Variants in ZDHHC3 observed in about 807,000 individuals in gnomAD.
ZDHHC3 encodes zDHHC palmitoyltransferase 3, also known as palmitoyltransferase ZDHHC3.
In ZDHHC3, 9 loss-of-function variants were observed where a neutral mutation model predicts 30.6. The observed-to-expected ratio is 0.29, with a 90% CI of 0.18 to 0.51. ZDHHC3 has a LOEUF of 0.51. Among genes scored for constraint, ZDHHC3 ranks in the 20% least tolerant of loss-of-function variants. The pLI, the probability that ZDHHC3 is intolerant of heterozygous loss-of-function variation, is 0.97. For missense variants in ZDHHC3, 246 were observed against 384.2 expected, an observed-to-expected ratio of 0.64 and a Z score of 3.01; for synonymous variants, 136 against 140.2, an observed-to-expected ratio of 0.97 and a Z score of 0.21.
In ZDHHC3 at chr3:44,933,482, G is replaced by A. The variant is rs549843425; in HGVS notation, c.529-283C>T. 7 of 563,830 alleles carry A rather than the reference G, an allele frequency of 1.2e-5. No homozygotes were observed. The South Asian group carries it at 1.5e-4, about 12-fold the overall frequency. 34.9% of individuals were successfully genotyped at this position (563,830 alleles called of 1,614,324 possible). On this transcript the variant is annotated intron_variant, in intron 4 of 6. Transcript: ENST00000424952. ...CCAGGCAGTATGAGCTGCCTGGGCG[G>A]GGGGTTCAAGCCTGCTGTACCTCCT...
At chr3:44,968,308 T>TC (rs1705128438) in intron 1 of ZDHHC3, among the ~76,000 whole-genome samples, 1 of 151,834 alleles carries the variant, frequency 6.6e-6, no homozygotes, top group South Asian at 2.1e-4. Flanking sequence ...CTCTGACTCT[T>TC]TAAAAAAAAA....
At chr3:44,941,130 G>A (rs2125853348) in intron 3 of ZDHHC3, among the ~76,000 whole-genome samples, 1 of 152,290 alleles carries the variant, frequency 6.6e-6, no homozygotes, top group African/African-American at 2.4e-5. Context: ...CCTGGAAAAT[G>A]AGTTCAACTA....
In ZDHHC3 at chr3:44,919,127, CA is replaced by C; in HGVS notation, c.*7561del. Reference sequence around the variant, plus strand: ...ATTCTAAGTTAAAAAAATTGGATCTCAAAAGTATATCCTCATAAGATACTTA... The same window carrying C: ...ATTCTAAGTTAAAAAAATTGGATCTCAAAGTATATCCTCATAAGATACTTA... On this transcript the variant is annotated 3_prime_UTR_variant, in exon 7 of 7. Transcript: ENST00000424952. 1 of 980,798 alleles carries C rather than the reference CA, an allele frequency of 1.0e-6. No individual in the cohort carries two copies. The highest frequency in any genetic ancestry group is 1.2e-6 in the Non-Finnish European group (1 of 825,882). The allele number at this position is 980,798 out of a possible 1,614,324, so 60.8% of individuals were successfully genotyped here.
chr3:44,962,878 A>G (rs996798465), intron 1 of ZDHHC3, among the ~76,000 whole-genome samples: 2 of 152,154 alleles, frequency 1.3e-5, no homozygotes, highest in Non-Finnish European at 2.9e-5. Flanking sequence ...AAGCAAATAA[A>G]CTAAGTCTTG....
At chr3:44,968,084 G>A (rs530515600) in intron 1 of ZDHHC3, among the ~76,000 whole-genome samples, 61 of 152,144 alleles carry the variant, frequency 4.0e-4, no homozygotes, top group Non-Finnish European at 6.5e-4. Context: ...GATTCAAAAC[G>A]GCTCTGCTTG....
intron 2 of ZDHHC3, among the ~76,000 whole-genome samples, chr3:44,945,704 C>T (rs1211114463): frequency 1.3e-5 from 2 of 151,884 alleles, no homozygotes; most frequent in Non-Finnish European, 2.9e-5. Context: ...ATTATAGGTG[C>T]TCGCCACCAC....
rs896853683 is a variant in ZDHHC3 at position 44,923,114 on chromosome 3, C to T, written c.*3575G>A. On this transcript the variant is annotated 3_prime_UTR_variant, in exon 7 of 7. Transcript: ENST00000424952. Reference sequence around the variant, plus strand: ...TTTTTGAGACGGAGTCTCACTCTGTCGCCCAGGCTGGAGTGCAGTGGTGCG... The same window carrying T: ...TTTTTGAGACGGAGTCTCACTCTGTTGCCCAGGCTGGAGTGCAGTGGTGCG... The T allele has an allele frequency of 4.1e-6, 4 of 970,038 alleles. No individual in the cohort carries two copies. The highest frequency in any genetic ancestry group is 4.9e-5 in the South Asian group (1 of 20,598). 60.1% of individuals were successfully genotyped at this position (970,038 alleles called of 1,614,324 possible).
intron 1 of ZDHHC3, among the ~76,000 whole-genome samples, chr3:44,964,910 A>G (rs1704805197): frequency 6.6e-6 from 1 of 152,116 alleles, no homozygotes; most frequent in African/African-American, 2.4e-5. Context: ...CAAAGTAATT[A>G]TTATTTTCAC....
intron 3 of ZDHHC3, among the ~76,000 whole-genome samples, chr3:44,935,895 C>T (rs1343285898): frequency 6.6e-6 from 1 of 152,042 alleles, no homozygotes; most frequent in Non-Finnish European, 1.5e-5. Context: ...AATGTAAAAC[C>T]CAAAACTATA....
chr3:44,967,048 C>T lies in ZDHHC3; in HGVS notation c.-24-7588G>A, dbSNP rs139213224. Among the ~76,000 whole-genome samples the T allele has an allele frequency of 5.1e-4, 78 of 152,174 alleles. 5 individuals carry two copies. The East Asian group carries it at 0.014, about 28-fold the overall frequency. On this transcript the variant is annotated intron_variant, in intron 1 of 6. Coordinates refer to ENST00000424952, the MANE Select transcript of ZDHHC3 (RefSeq NM_001135179.2). ...TATAGCAGGGGCTGTCTCCCTCTGA[C>T]TGCCTTTTGTCTCTGTCATACTCAG...
intron 2 of ZDHHC3, among the ~76,000 whole-genome samples, chr3:44,957,501 T>C (rs1433044484): frequency 6.6e-6 from 1 of 152,200 alleles, no homozygotes; most frequent in East Asian, 1.9e-4. Flanking sequence ...AAACTGCCCC[T>C]CATCATCAAA....
intron 1 of ZDHHC3, among the ~76,000 whole-genome samples, chr3:44,969,266 G>C (rs1409195737): frequency 6.6e-6 from 1 of 152,114 alleles, no homozygotes; most frequent in Admixed American, 6.5e-5. Context: ...GTAGGGTGGG[G>C]CCCTGATTCT....
At chr3:44,968,002 G>A (rs1451238469) in intron 1 of ZDHHC3, among the ~76,000 whole-genome samples, 3 of 152,160 alleles carry the variant, frequency 2.0e-5, no homozygotes, top group Non-Finnish European at 4.4e-5. Context: ...TTGCAGAGAT[G>A]GAAAAAGTAA....
intron 3 of ZDHHC3, among the ~76,000 whole-genome samples, chr3:44,940,531 G>GACC (rs1702352586): frequency 6.6e-6 from 1 of 152,160 alleles, no homozygotes; most frequent in Non-Finnish European, 1.5e-5. Flanking sequence ...CTGTAAGCTG[G>GACC]TGAGCTCCAT....
At chr3:44,928,895 T>C (rs1276373269) in intron 6 of ZDHHC3, among the ~76,000 whole-genome samples, 1 of 152,196 alleles carries the variant, frequency 6.6e-6, no homozygotes, top group Admixed American at 6.5e-5. Context: ...GCTGGCAAGC[T>C]GACCTGCCTG....
At chr3:44,955,007 T>C (rs1257151548) in intron 2 of ZDHHC3, among the ~76,000 whole-genome samples, 2 of 152,164 alleles carry the variant, frequency 1.3e-5, no homozygotes, top group Admixed American at 1.3e-4. Flanking sequence ...ACGTCTAAAG[T>C]GTTTCCAGAA....
intron 3 of ZDHHC3, among the ~76,000 whole-genome samples, chr3:44,934,963 A>G (rs1701826212): frequency 6.6e-6 from 1 of 151,584 alleles, no homozygotes; most frequent in South Asian, 2.1e-4. Context: ...TAATTTGCAC[A>G]TTTCTAACAT....
At position 44,922,090 on chromosome 3, in the gene ZDHHC3, A is replaced by G; in HGVS notation, c.*4599T>C. ...GGAGAGGGTGAGAAAAAGAAGGTTC[A>G]GGTTGGGAGTACGCTGGTCAGTGGC... On this transcript the variant is annotated 3_prime_UTR_variant, in exon 7 of 7. Transcript: ENST00000424952. 1.0e-6 allele frequency: 1 copy of G among 985,432 alleles called. No homozygotes were observed. The highest frequency in any genetic ancestry group is 1.2e-6 in the Non-Finnish European group (1 of 829,936). 61.0% of individuals were successfully genotyped at this position (985,432 alleles called of 1,614,324 possible). A position where few individuals can be genotyped will look rare whatever the true frequency, so the allele number is the denominator to read the frequency against.
intron 3 of ZDHHC3, among the ~76,000 whole-genome samples, chr3:44,939,135 G>GC (rs778784146): frequency 6.6e-5 from 10 of 152,186 alleles, no homozygotes; most frequent in Admixed American, 2.6e-4. Context: ...AGACATGCTG[G>GC]CCTGGTTCCA....
Sources: gnomAD v4.1 joint callset for allele counts (sites outside exome capture counted in the v4.1 genomes callset) on GRCh38, gnomAD v4.1.1 for gene constraint, MANE v1.5 for transcripts, NCBI Gene and HGNC (gene_info 2026-07-23, HGNC 2026-07-21) for gene names.